The following MKRN2 variants were observed in gnomAD, a reference collection of about 807,000 sequenced individuals.
MKRN2 encodes E3 ubiquitin-protein ligase makorin-2.
MKRN2 carries 32 observed loss-of-function variants against 45.4 expected under a neutral mutation model. The ratio of observed to expected loss-of-function variants is 0.70; its 90% confidence interval spans 0.53 to 0.95. The LOEUF (loss-of-function observed/expected upper bound fraction) is 0.95, where lower values mean the gene tolerates loss of function less well. Ranked by LOEUF, MKRN2 falls within the 40% of genes least tolerant of loss-of-function variation. The probability of loss-of-function intolerance (pLI) is 0.00; values close to 1 mark genes in which losing one functional copy is unlikely to be tolerated. For missense variants in MKRN2, 526 were observed against 536.7 expected (o/e 0.98, Z 0.20); for synonymous variants, 206 against 192.4 (o/e 1.07, Z -0.59).
At chr3:12,573,522 G>C (rs1575520918) in intron 4 of MKRN2, among the ~76,000 whole-genome samples, 1 of 151,958 alleles carries the variant, frequency 6.6e-6, no homozygotes, top group South Asian at 2.1e-4. Context: ...CAATAAGAGT[G>C]AGACCCTGTC....
At position 12,583,102 on chromosome 3, in the gene MKRN2, G is replaced by C. The variant is rs1049375769; in HGVS notation, c.*849G>C. ...ATACGTGCACTTACATGTGTGGTTC[G>C]TACTCAAGTGATCTATTATCTAGCT... is the stretch of plus-strand genomic sequence containing the variant. On this transcript the variant is annotated 3_prime_UTR_variant, in exon 8 of 8. Coordinates refer to ENST00000170447, the MANE Select transcript of MKRN2 (RefSeq NM_014160.5). The C allele has an allele frequency of 6.6e-6, 1 of 152,170 alleles. No homozygotes were observed. Among genetic ancestry groups the C allele is most frequent in the Non-Finnish European group, 1.5e-5 (1 of 68,034 alleles). The allele number at this position is 152,170 out of a possible 1,614,324, so 9.4% of individuals were successfully genotyped here.
At chr3:12,578,430 G>A (rs2058156515) in intron 6 of MKRN2, among the ~76,000 whole-genome samples, 2 of 143,738 alleles carry the variant, frequency 1.4e-5, no homozygotes. Flanking sequence ...AAGCACTTCT[G>A]CCTCAGCCTC....
At chr3:12,571,581 G>C (rs974977628) in intron 3 of MKRN2, among the ~76,000 whole-genome samples, 1 of 152,202 alleles carries the variant, frequency 6.6e-6, no homozygotes, top group African/African-American at 2.4e-5. Context: ...AGCTCCTGGC[G>C]TGAGAAGGGG....
chr3:12,578,866 T>A (rs1164133288), intron 6 of MKRN2, among the ~76,000 whole-genome samples: 4 of 107,682 alleles, frequency 3.7e-5, no homozygotes, highest in Admixed American at 1.6e-4. Flanking sequence ...TGATTTTTTT[T>A]TTTTTTTTTT....
At chr3:12,581,785 G>A (rs1191745245) in intron 6 of MKRN2, 23 bp from the exon 7 acceptor site, 2 of 1,612,484 alleles carry the variant, frequency 1.2e-6, no homozygotes, top group Non-Finnish European at 1.7e-6. Flanking sequence ...CCAGCCTCTT[G>A]ACTTTTTCTT....
Position 12,582,336 on chromosome 3 carries a change from AG to A in MKRN2, c.*84del. The stretch of plus-strand genomic sequence containing the variant: ...GGTGTGCGGAGCTTCCCTGTACTGC[AG>A]CCAAGGTGACGTGTGACTTGGATTT... On this transcript the variant is annotated 3_prime_UTR_variant, in exon 8 of 8. Transcript: ENST00000170447. 1 of 1,553,928 alleles carries A rather than the reference AG, an allele frequency of 6.4e-7. No individual in the cohort carries two copies.
chr3:12,577,407 C>G (rs1320988182), intron 6 of MKRN2, among the ~76,000 whole-genome samples: 1 of 151,962 alleles, frequency 6.6e-6, no homozygotes, highest in Non-Finnish European at 1.5e-5. Flanking sequence ...GACTCTACTT[C>G]CGTTTATGAT....
At chr3:12,557,210 TC>T (rs774310221) in intron 1 of MKRN2, 34 bp downstream of exon 1, 3 of 1,530,876 alleles carry the variant, frequency 2.0e-6, no homozygotes. Flanking sequence ...TTCGGGCCGC[TC>T]CCCCAGGCCG....
At chr3:12,578,443 A>AAGAAGGTGGGACTAC (rs2058156619) in intron 6 of MKRN2, among the ~76,000 whole-genome samples, 1 of 147,756 alleles carries the variant, frequency 6.8e-6, no homozygotes, top group Non-Finnish European at 1.5e-5. Context: ...TCAGCCTCCC[A>AAGAAGGTGGGACTAC]AGAAGGTGGG....
At chr3:12,558,546 A>T (rs1036265633) in intron 1 of MKRN2, among the ~76,000 whole-genome samples, 8 of 152,222 alleles carry the variant, frequency 5.3e-5, no homozygotes, top group Admixed American at 3.9e-4. Flanking sequence ...CATTTATGTA[A>T]TAATGCTTTA....
Position 12,574,894 on chromosome 3 carries a change from G to A in MKRN2, c.745G>A (p.Ala249Thr). 4 of 1,614,158 alleles carry A rather than the reference G, an allele frequency of 2.5e-6. No individual in the cohort carries two copies. Among genetic ancestry groups the A allele is most frequent in the Admixed American group, 1.7e-5 (1 of 60,030 alleles). ...CTGCATGGAAGTGATCCTGGAGAAG[G>A]CCTCTGCTTCTGAGAGGAGATTTGG... is the stretch of plus-strand genomic sequence containing the variant. ...SICMEVILEK[A>T]SASERRFGIL... The change falls in exon 5 of 8, where the codon GCC becomes ACC. Residue 249 changes from alanine to threonine, a missense_variant. Ala to Thr is a moderately conservative substitution (Grantham distance 58, BLOSUM62 0). Coordinates refer to ENST00000170447, the MANE Select transcript of MKRN2 (RefSeq NM_014160.5).
intron 2 of MKRN2, 80 bp from the exon 3 acceptor site, chr3:12,569,991 A>T: frequency 7.5e-7 from 1 of 1,339,410 alleles, no homozygotes; most frequent in Middle Eastern, 2.8e-4. Flanking sequence ...CAGCAGAAGG[A>T]GGGCCATTGG....
intron 1 of MKRN2, among the ~76,000 whole-genome samples, chr3:12,564,850 T>G (rs2058060597): frequency 6.6e-6 from 1 of 152,248 alleles, no homozygotes; most frequent in East Asian, 1.9e-4. Flanking sequence ...TTTCTGACAT[T>G]GCATATAAAT....
At chr3:12,576,935 T>TTTTG (rs2058142696) in intron 6 of MKRN2, 194 bp downstream of exon 6, 10 of 164,552 alleles carry the variant, frequency 6.1e-5, no homozygotes, top group Non-Finnish European at 1.1e-4. Context: ...GTTTTGGTGT[T>TTTTG]TTTTTTTTTT....
At chr3:12,581,783 TTGAC>T in intron 6 of MKRN2, 21 bp from the exon 7 acceptor site, 1 of 1,612,646 alleles carries the variant, frequency 6.2e-7, no homozygotes, top group Non-Finnish European at 8.5e-7. Flanking sequence ...CACCAGCCTC[TTGAC>T]TTTTTCTTTC....
chr3:12,582,483 AG>A lies in MKRN2; in HGVS notation c.*231del. 1 of 520,528 alleles carries A rather than the reference AG, an allele frequency of 1.9e-6. No homozygotes were observed. Among genetic ancestry groups the A allele is most frequent in the East Asian group, 3.2e-5 (1 of 31,154 alleles). The allele number at this position is 520,528 out of a possible 1,614,324, so 32.2% of individuals were successfully genotyped here. A position where few individuals can be genotyped will look rare whatever the true frequency, so the allele number is the denominator to read the frequency against. On this transcript the variant is annotated 3_prime_UTR_variant, in exon 8 of 8. Transcript: ENST00000170447. ...GAATTGCTATTTTTATAGCTGATAT[AG>A]TTACACCTCAAGCCCCTCAGGGGTA...
At chr3:12,557,472 G>C (rs1575512942) in intron 1 of MKRN2, among the ~76,000 whole-genome samples, 1 of 152,254 alleles carries the variant, frequency 6.6e-6, no homozygotes, top group African/African-American at 2.4e-5. Flanking sequence ...GCAGGATGCC[G>C]GGGCGCTGTC....
chr3:12,568,873 A>G lies in MKRN2; in HGVS notation c.27-2A>G. On this transcript the variant is annotated splice_acceptor_variant, in intron 1 of 7. Coordinates refer to ENST00000170447, the MANE Select transcript of MKRN2 (RefSeq NM_014160.5). LOFTEE classifies it high-confidence loss of function. ...GTTGTATGCCTGTGCTTGTCTCTGC[A>G]GGTATTTTATGCATGGTGTGTGTCG... 2 of 1,611,948 alleles carry G rather than the reference A, an allele frequency of 1.2e-6. No individual in the cohort carries two copies. Among genetic ancestry groups the G allele is most frequent in the Non-Finnish European group, 8.5e-7 (1 of 1,179,322 alleles).
In MKRN2 at chr3:12,575,353, G is replaced by C. The variant is rs139336347; in HGVS notation, c.857+347G>C. 8.3e-3 allele frequency among the ~76,000 whole-genome samples: 1,270 copies of C among 152,254 alleles called. 13 individuals are homozygous for C. Among genetic ancestry groups the C allele is most frequent in the African/African-American group, 0.028 (1,164 of 41,532 alleles). On this transcript the variant is annotated intron_variant, in intron 5 of 7. Transcript: ENST00000170447. ...AGCCCAGTTGCCTGTTAATCATTTT[G>C]AGCTTCGTTTTTTCCCCCCACCAAA...
Sources: gnomAD v4.1 joint callset for allele counts (sites outside exome capture counted in the v4.1 genomes callset) on GRCh38, gnomAD v4.1.1 for gene constraint, MANE v1.5 for transcripts, NCBI Gene and HGNC (gene_info 2026-07-23, HGNC 2026-07-21) for gene names.